The following PACC1 variants were observed in gnomAD, a reference collection of about 807,000 sequenced individuals.
PACC1 encodes the protein proton activated chloride channel 1.
PACC1 carries 34 observed loss-of-function variants against 39.7 expected under a neutral mutation model. That is an observed-to-expected ratio of 0.86 (90% confidence interval 0.65 to 1.14). The LOEUF is 1.14. Among genes scored for constraint, PACC1 ranks in the 50% most tolerant of loss-of-function variants. The probability of loss-of-function intolerance (pLI) is 0.00; values close to 1 mark genes in which losing one functional copy is unlikely to be tolerated. For synonymous variants in PACC1, 127 were observed against 160.6 expected, an observed-to-expected ratio of 0.79 and a Z score of 1.58; for missense variants, 379 against 436.4, an observed-to-expected ratio of 0.87 and a Z score of 1.17.
intron 4 of PACC1, among the ~76,000 whole-genome samples, chr1:212,380,340 C>T (rs1247992171): frequency 6.6e-6 from 1 of 152,198 alleles, no homozygotes; most frequent in Non-Finnish European, 1.5e-5. Context: ...GTGTGCCAAT[C>T]TTTTCTTCCA....
rs1330852038 is a variant in PACC1, at chr1:212,386,432, C to T, written c.343+459G>A. On this transcript the variant is annotated intron_variant, in intron 3 of 7. Coordinates refer to ENST00000261455, the MANE Select transcript of PACC1 (RefSeq NM_018252.3). The surrounding 1 kb of genome is among the most constrained non-coding windows in gnomAD (Gnocchi z 5.0). ...CTCTCCAGGCAGGGTTGAATGGCCT[C>T]GCCTCCCCTGCCATCCTCCCCACCC... is the stretch of plus-strand genomic sequence containing the variant. Among the ~76,000 whole-genome samples the T allele has an allele frequency of 2.6e-5, 4 of 152,006 alleles. No homozygotes were observed. Among genetic ancestry groups the T allele is most frequent in the East Asian group, 1.9e-4 (1 of 5,188 alleles).
intron 1 of PACC1, among the ~76,000 whole-genome samples, chr1:212,410,985 AT>A (rs1469675850): frequency 3.3e-5 from 5 of 152,168 alleles, no homozygotes; most frequent in Non-Finnish European, 5.9e-5. Flanking sequence ...GTGTCTTCAC[AT>A]GGTCATCGTC....
At position 212,381,706 on chromosome 1, in the gene PACC1, C is replaced by CACACACACACACT. The variant is rs1270431400; in HGVS notation, c.496-1670_496-1669insAGTGTGTGTGTGT. On this transcript the variant is annotated intron_variant, in intron 4 of 7. Transcript: ENST00000261455. ...CACACACACACACTGCACACACACA[C>CACACACACACACT]ACACACACACACACACACACACAGC... Among the ~76,000 whole-genome samples, 53 of 149,274 alleles carry CACACACACACACT rather than the reference C, an allele frequency of 3.6e-4. 1 individual carries two copies. In the East Asian group the frequency reaches 9.4e-3, roughly 26 times the overall value.
rs771712177 is a variant in PACC1, at chr1:212,379,950, C to A, written c.583G>T (p.Asp195Tyr). Residue 195 changes from aspartate (D) to tyrosine (Y), a missense_variant, in exon 5 of 8, where the codon GAC (aspartate) becomes TAC (tyrosine). Physicochemically the swap from Asp to Tyr is radical, Grantham distance 160 (BLOSUM62 -3). Transcript: ENST00000261455. ...AGGAGGTAATCAATGGCGCTGAAGT[C>A]CTCACTACTCTTGTTCAGGCGGAAC... Reference protein sequence around the residue: ...LQFRLNKSSEDFSAIDYLLFS... With the variant: ...LQFRLNKSSEYFSAIDYLLFS... 5.6e-6 allele frequency: 9 copies of A among 1,614,218 alleles called. No individual in the cohort carries two copies. In the East Asian group the frequency reaches 2.0e-4, roughly 36 times the overall value.
Position 212,395,461 on chromosome 1 carries a change from T to G in PACC1, c.134-8361A>C, listed in dbSNP as rs528485842. ...TCAAGATGGATTAAAGACTTAAATG[T>G]CAGACCTAAAACCATAAAAACCCTA... is the stretch of plus-strand genomic sequence containing the variant. On this transcript the variant is annotated intron_variant, in intron 2 of 7. Transcript: ENST00000261455. Among the ~76,000 whole-genome samples, 6 of 152,266 alleles carry G rather than the reference T, an allele frequency of 3.9e-5. No homozygotes were observed. The South Asian group carries it at 1.2e-3, about 32-fold the overall frequency.
intron 4 of PACC1, among the ~76,000 whole-genome samples, chr1:212,381,691 C>CT (rs1173834357): frequency 8.1e-5 from 7 of 86,252 alleles, no homozygotes; most frequent in Middle Eastern, 0.015. Flanking sequence ...CACACACACA[C>CT]ACTGCACACA....
intron 2 of PACC1, chr1:212,410,095 ATCT>A (rs1267487684): frequency 3.4e-6 from 1 of 292,622 alleles, no homozygotes; most frequent in Non-Finnish European, 6.7e-6. Context: ...GGCCTATTAG[ATCT>A]TCTTTGACCC....
At chr1:212,393,346 T>C (rs144282216) in intron 2 of PACC1, among the ~76,000 whole-genome samples, 1,935 of 152,246 alleles carry the variant, frequency 0.013, 28 homozygotes, top group Non-Finnish European at 0.017. Context: ...ACTGGGTACA[T>C]AAGGAAATGA....
At chr1:212,410,178 T>C (rs1662071635) in intron 2 of PACC1, 1 of 475,552 alleles carries the variant, frequency 2.1e-6, no homozygotes, top group African/African-American at 1.9e-5. Flanking sequence ...TCCAAAGCAT[T>C]TGCCATTGTA....
intron 7 of PACC1, among the ~76,000 whole-genome samples, chr1:212,369,513 G>C (rs1336056001): frequency 2.6e-5 from 4 of 152,182 alleles, no homozygotes; most frequent in Non-Finnish European, 5.9e-5. Context: ...AGGCGTGATG[G>C]CTTATGCCTA....
At chr1:212,401,115 T>C (rs528366843) in intron 2 of PACC1, among the ~76,000 whole-genome samples, 3 of 152,334 alleles carry the variant, frequency 2.0e-5, no homozygotes, top group African/African-American at 7.2e-5. Context: ...AAAGTAAATA[T>C]ATTCAGCAGT....
At chr1:212,392,443 A>G (rs1053811890) in intron 2 of PACC1, among the ~76,000 whole-genome samples, 6 of 152,260 alleles carry the variant, frequency 3.9e-5, no homozygotes, top group African/African-American at 1.4e-4. Flanking sequence ...TGAAGGAAGC[A>G]CTAAACATGG....
chr1:212,369,513 G>A (rs1336056001), intron 7 of PACC1, among the ~76,000 whole-genome samples: 2 of 152,182 alleles, frequency 1.3e-5, no homozygotes, highest in South Asian at 4.1e-4. Context: ...AGGCGTGATG[G>A]CTTATGCCTA....
chr1:212,413,815 G>C, intron 1 of PACC1: 1 of 1,409,080 alleles, frequency 7.1e-7, no homozygotes, highest in East Asian at 2.5e-5. Flanking sequence ...GAGAGTATAA[G>C]AGACTAAAGG....
chr1:212,387,201 G>C, intron 2 of PACC1, 101 bp from the exon 3 acceptor site: 1 of 1,164,602 alleles, frequency 8.6e-7, no homozygotes, highest in Non-Finnish European at 1.2e-6. Flanking sequence ...CCAAGGAGGT[G>C]AAGTCACCTG....
Position 212,414,813 on chromosome 1 carries a change from C to T in PACC1, c.-56G>A, listed in dbSNP as rs893883688. 6.2e-6 allele frequency: 10 copies of T among 1,602,300 alleles called. No homozygotes were observed. Among genetic ancestry groups the T allele is most frequent in the Admixed American group, 5.0e-5 (3 of 59,672 alleles). On this transcript the variant is annotated 5_prime_UTR_variant, in exon 1 of 8. Transcript: ENST00000261455. ...ACCGCCCCAGCCCGCGGCGCACGGACGCAGCACTGCGGCCGCTGCACCTGG... is the reference window on the plus strand; with the variant it reads ...ACCGCCCCAGCCCGCGGCGCACGGATGCAGCACTGCGGCCGCTGCACCTGG...
intron 2 of PACC1, among the ~76,000 whole-genome samples, chr1:212,390,577 C>T (rs4540733): frequency 0.27 from 41,355 of 151,564 alleles, 7,598 homozygotes; most frequent in African/African-American, 0.53. Context: ...ATCACTGGGG[C>T]TTGTCATACA....
chr1:212,404,813 G>A lies in PACC1; in HGVS notation c.133+5612C>T, dbSNP rs150374431. Reference sequence around the variant, plus strand: ...AGATGGAATCTTGCTCTATCACCCAGTCTGGAGTGCAGTGGCACAATCTCG... The same window carrying A: ...AGATGGAATCTTGCTCTATCACCCAATCTGGAGTGCAGTGGCACAATCTCG... On this transcript the variant is annotated intron_variant, in intron 2 of 7. Transcript: ENST00000261455. Among the ~76,000 whole-genome samples the A allele has an allele frequency of 2.7e-3, 409 of 151,512 alleles. 2 individuals are homozygous for A. The highest frequency in any genetic ancestry group is 9.0e-3 in the African/African-American group (373 of 41,248).
chr1:212,401,863 C>T (rs1480179890), intron 2 of PACC1, among the ~76,000 whole-genome samples: 12 of 151,928 alleles, frequency 7.9e-5, no homozygotes, highest in South Asian at 4.2e-4. Flanking sequence ...TTGTTAGAGA[C>T]GGGGTTGCAC....
Sources: allele counts gnomAD v4.1 joint callset (sites outside exome capture counted in the v4.1 genomes callset), GRCh38; gene constraint gnomAD v4.1.1; non-coding constraint Gnocchi (gnomAD v3.1); transcripts MANE v1.5; gene names NCBI Gene and HGNC (gene_info 2026-07-23, HGNC 2026-07-21).